Variants in PSD3 observed in about 807,000 individuals in gnomAD.
PSD3 encodes pleckstrin and Sec7 domain containing 3, also known as PH and SEC7 domain-containing protein 3.
PSD3 carries 49 observed loss-of-function variants against 105.5 expected under a neutral mutation model. The ratio of observed to expected loss-of-function variants is 0.46; its 90% confidence interval spans 0.37 to 0.59. The LOEUF (loss-of-function observed/expected upper bound fraction) is 0.59. Ranked by LOEUF, PSD3 falls within the 20% of genes least tolerant of loss-of-function variation. The pLI is 0.00. For synonymous variants in PSD3, 557 were observed against 457.8 expected, an observed-to-expected ratio of 1.22 and a Z score of -2.77; for missense variants, 1,561 against 1,263.8, an observed-to-expected ratio of 1.24 and a Z score of -3.57.
intron 14 of PSD3, among the ~76,000 whole-genome samples, chr8:18,569,310 T>G (rs1303782652): frequency 1.2e-3 from 154 of 133,682 alleles, no homozygotes; most frequent in African/African-American, 3.7e-3. Context: ...TGAACTAGTT[T>G]ACAGTCCCAC....
chr8:18,559,157 C>T (rs1801248056), intron 14 of PSD3, among the ~76,000 whole-genome samples: 1 of 152,062 alleles, frequency 6.6e-6, no homozygotes, highest in African/African-American at 2.4e-5. Flanking sequence ...AAAGTGTTGG[C>T]ATTTCTGGGT....
chr8:18,761,096 G>T (rs1409387176), intron 9 of PSD3, among the ~76,000 whole-genome samples: 1 of 152,148 alleles, frequency 6.6e-6, no homozygotes, highest in East Asian at 1.9e-4. Flanking sequence ...ATCAAAGAGG[G>T]AAGTCACTAA....
At chr8:19,030,560 G>C (rs1199786982) in intron 1 of PSD3, among the ~76,000 whole-genome samples, 1 of 152,028 alleles carries the variant, frequency 6.6e-6, no homozygotes, top group African/African-American at 2.4e-5. Context: ...TCTTGCTCTT[G>C]CTTTCACTAT....
chr8:19,010,483 T>A (rs1223117000), intron 1 of PSD3, among the ~76,000 whole-genome samples: 1 of 152,234 alleles, frequency 6.6e-6, no homozygotes, highest in African/African-American at 2.4e-5. Flanking sequence ...AAATGAGGCA[T>A]GGACATTTGG....
intron 15 of PSD3, among the ~76,000 whole-genome samples, chr8:18,549,916 A>T (rs1049618256): frequency 1.3e-5 from 2 of 152,238 alleles, no homozygotes; most frequent in African/African-American, 4.8e-5. Flanking sequence ...TTATCAGCTA[A>T]TTCACCCAAT....
intron 9 of PSD3, among the ~76,000 whole-genome samples, chr8:18,669,759 C>T (rs1425535721): frequency 1.3e-5 from 2 of 152,170 alleles, no homozygotes; most frequent in African/African-American, 4.8e-5. Flanking sequence ...TGAGTAACTA[C>T]CTGAAACTGC....
chr8:18,825,462 C>T (rs1428819813), intron 4 of PSD3, among the ~76,000 whole-genome samples: 1 of 152,158 alleles, frequency 6.6e-6, no homozygotes. Context: ...TGTCCACTGG[C>T]TATAAGCATC....
At chr8:18,845,414 G>C (rs576169628) in intron 4 of PSD3, among the ~76,000 whole-genome samples, 2 of 152,300 alleles carry the variant, frequency 1.3e-5, no homozygotes, top group African/African-American at 4.8e-5. Flanking sequence ...ACTGACATAA[G>C]CAGGGTGGCA....
In PSD3 at chr8:18,871,879, T is replaced by C; in HGVS notation, c.985A>G (p.Thr329Ala). The C allele has an allele frequency of 3.7e-6, 6 of 1,614,204 alleles. No homozygotes were observed. The highest frequency in any genetic ancestry group is 5.1e-6 in the Non-Finnish European group (6 of 1,180,038). Residue 329 changes from threonine to alanine, a missense_variant, in exon 3 of 16, where the codon ACA becomes GCA. Transcript: ENST00000327040. ...PIDFETSLQRTASPDSKESSK... is the reference protein window; with the variant it reads ...PIDFETSLQRAASPDSKESSK... ...GACTCTTTGCTGTCAGGAGAGGCTG[T>C]TCTTTGCAGTGATGTCTCAAAATCT...
chr8:18,599,481 G>A (rs917161318), intron 12 of PSD3, among the ~76,000 whole-genome samples: 5 of 152,094 alleles, frequency 3.3e-5, no homozygotes, highest in East Asian at 1.9e-4. Flanking sequence ...AGGTGGAAAC[G>A]ACCTAAGTGT....
chr8:18,882,058 C>T (rs1818139578), intron 2 of PSD3, among the ~76,000 whole-genome samples: 1 of 151,970 alleles, frequency 6.6e-6, no homozygotes, highest in African/African-American at 2.4e-5. Flanking sequence ...AATTTAAAAA[C>T]TTAGCCAGGT....
At chr8:18,578,036 T>G (rs1802568798) in intron 12 of PSD3, among the ~76,000 whole-genome samples, 1 of 152,130 alleles carries the variant, frequency 6.6e-6, no homozygotes, top group African/African-American at 2.4e-5. Context: ...TGCAGTCTTC[T>G]TCATTGGTTT....
chr8:18,811,874 A>G (rs1478449180), intron 4 of PSD3, among the ~76,000 whole-genome samples: 3 of 152,240 alleles, frequency 2.0e-5, no homozygotes, highest in Non-Finnish European at 1.5e-5. Context: ...CTCCAAGGCC[A>G]AAGGAAATAT....
rs1810475697 is a variant in PSD3, at chr8:18,799,302, T to C, written c.2075A>G (p.His692Arg). Reference protein sequence around the residue: ...CAIMLLNTDLHGHNIGKKMTC... With the variant: ...CAIMLLNTDLRGHNIGKKMTC... ...TCACAAATCCACACTTACGTGGCCA[T>C]GTAGATCGGTATTAAGAAGCATTAT... The change falls in exon 8 of 16, where the codon CAT (histidine) becomes CGT (arginine). Residue 692 changes from histidine (H) to arginine (R), a missense_variant. Physicochemically the swap from His to Arg is conservative, Grantham distance 29. Transcript: ENST00000327040. The C allele has an allele frequency of 2.5e-6, 4 of 1,604,278 alleles. No individual in the cohort carries two copies. Among genetic ancestry groups the C allele is most frequent in the Non-Finnish European group, 3.4e-6 (4 of 1,171,226 alleles).
At chr8:18,975,326 T>G (rs1313996856) in intron 1 of PSD3, among the ~76,000 whole-genome samples, 1 of 152,026 alleles carries the variant, frequency 6.6e-6, no homozygotes. Flanking sequence ...TTTTTTTTTT[T>G]TTTTTTTTGC....
chr8:18,536,305 C>G (rs146645617), intron 15 of PSD3, among the ~76,000 whole-genome samples: 3 of 152,130 alleles, frequency 2.0e-5, no homozygotes, highest in African/African-American at 7.2e-5. Context: ...TGGTTTTCGG[C>G]GGCTGCATGG....
chr8:19,012,890 C>T (rs1827019839), intron 1 of PSD3, among the ~76,000 whole-genome samples: 1 of 152,126 alleles, frequency 6.6e-6, no homozygotes, highest in Non-Finnish European at 1.5e-5. Flanking sequence ...CCCATTCCAT[C>T]CTCTGCCTAG....
chr8:18,641,389 C>T (rs529812244), intron 10 of PSD3, among the ~76,000 whole-genome samples: 1 of 152,020 alleles, frequency 6.6e-6, no homozygotes, highest in Non-Finnish European at 1.5e-5. Flanking sequence ...TGATTAAGAC[C>T]CCTCGAGGGG....
chr8:18,610,012 T>G (rs907737557), intron 11 of PSD3, among the ~76,000 whole-genome samples: 7 of 152,224 alleles, frequency 4.6e-5, no homozygotes, highest in African/African-American at 1.7e-4. Flanking sequence ...GTGGTAGCAC[T>G]AAAACAGTAC....
Sources: gnomAD v4.1 joint callset for allele counts (sites outside exome capture counted in the v4.1 genomes callset) on GRCh38, gnomAD v4.1.1 for gene constraint, MANE v1.5 for transcripts, NCBI Gene and HGNC (gene_info 2026-07-23, HGNC 2026-07-21) for gene names.